CCDC152: variants seen among roughly 807,000 people sequenced by gnomAD.
The protein encoded by CCDC152 is coiled-coil domain containing 152, also known as coiled-coil domain-containing protein 152.
Under a neutral mutation model 38.1 loss-of-function variants are expected in CCDC152, and 37 were observed. That is an observed-to-expected ratio of 0.97 (90% CI 0.75 to 1.28). The LOEUF (loss-of-function observed/expected upper bound fraction) is 1.28. Ranked by LOEUF, CCDC152 falls within the 50% of genes most tolerant of loss-of-function variation. The pLI is 0.00. For synonymous variants in CCDC152, 83 were observed against 87.1 expected (o/e 0.95, Z 0.26); for missense variants, 259 against 292.1 (o/e 0.89, Z 0.83).
At chr5:42,761,794 C>CCA (rs879525969) in intron 2 of CCDC152, among the ~76,000 whole-genome samples, 24 of 152,058 alleles carry the variant, frequency 1.6e-4, no homozygotes, top group Non-Finnish European at 3.4e-4. Context: ...AACCATGGGA[C>CCA]TGAGAGTTGA....
intron 4 of CCDC152, among the ~76,000 whole-genome samples, chr5:42,776,258 A>G (rs1048877493): frequency 6.6e-6 from 1 of 152,212 alleles, no homozygotes; most frequent in African/African-American, 2.4e-5. Context: ...GGAGAAAGAT[A>G]TGCCGTGCTA....
At chr5:42,794,041 ATAGAAT>A (rs1309282562) in intron 6 of CCDC152, among the ~76,000 whole-genome samples, 1 of 152,376 alleles carries the variant, frequency 6.6e-6, no homozygotes, top group East Asian at 1.9e-4. Flanking sequence ...TACACTGGAG[ATAGAAT>A]TAGTAAGCTG....
chr5:42,774,700 C>T (rs1187411649), intron 4 of CCDC152, among the ~76,000 whole-genome samples: 1 of 151,986 alleles, frequency 6.6e-6, no homozygotes, highest in Non-Finnish European at 1.5e-5. Context: ...ACACCTTAGG[C>T]GTTTTTACTG....
chr5:42,788,349 C>T (rs1759950832), intron 6 of CCDC152, among the ~76,000 whole-genome samples: 2 of 151,398 alleles, frequency 1.3e-5, no homozygotes, highest in Admixed American at 1.3e-4. Flanking sequence ...AACAAAAAAC[C>T]CTCAAAGGCA....
rs560753634 is a variant in CCDC152, at chr5:42,800,663, T to C, written c.*882T>C. On this transcript the variant is annotated 3_prime_UTR_variant, in exon 9 of 9. Transcript: ENST00000361970. ...TCACTAATTTGGTAGTTTATAAAAA[T>C]GCTGGAAATGAAATTGTGTCTAGAC... 2.7e-6 allele frequency: 4 copies of C among 1,506,394 alleles called. No homozygotes were observed. The highest frequency in any genetic ancestry group is 2.3e-5 in the Admixed American group (1 of 44,102). 93.3% of individuals were successfully genotyped at this position (1,506,394 alleles called of 1,614,324 possible). A position where few individuals can be genotyped will look rare whatever the true frequency, so the allele number is the denominator to read the frequency against.
chr5:42,760,253 G>A (rs1163477462), intron 2 of CCDC152, among the ~76,000 whole-genome samples: 3 of 142,978 alleles, frequency 2.1e-5, no homozygotes, highest in Non-Finnish European at 3.0e-5. Context: ...GCAGTGAGCC[G>A]AGATCGCGCC....
chr5:42,792,029 TC>T (rs1450994210), intron 6 of CCDC152, among the ~76,000 whole-genome samples: 1 of 152,198 alleles, frequency 6.6e-6, no homozygotes, highest in Non-Finnish European at 1.5e-5. Flanking sequence ...AGCCTCTGCA[TC>T]CTTCACCACA....
intron 4 of CCDC152, among the ~76,000 whole-genome samples, chr5:42,771,164 C>G (rs776293057): frequency 6.6e-6 from 1 of 152,154 alleles, no homozygotes; most frequent in Non-Finnish European, 1.5e-5. Flanking sequence ...GCTAAACACA[C>G]TCCTGAACAA....
At chr5:42,798,746 C>T (rs1760115217) in intron 7 of CCDC152, among the ~76,000 whole-genome samples, 1 of 151,944 alleles carries the variant, frequency 6.6e-6, no homozygotes, top group Admixed American at 6.6e-5. Context: ...TTAACTAAAT[C>T]TGAAGAGAAG....
chr5:42,787,773 C>T (rs1363009660), intron 6 of CCDC152, among the ~76,000 whole-genome samples: 2 of 152,060 alleles, frequency 1.3e-5, no homozygotes, highest in Admixed American at 6.6e-5. Context: ...ATATCAACCC[C>T]TGTTCTTTTT....
rs368516989 is a variant in CCDC152, at chr5:42,795,814, A to T, written c.431-1015A>T. ...GCGTATGTTTATTGCGGCACTATTC[A>T]CAATAGCAAAGACTTGGAACCAACC... On this transcript the variant is annotated intron_variant, in intron 6 of 8. Transcript: ENST00000361970. Among the ~76,000 whole-genome samples, 192 of 152,096 alleles carry T rather than the reference A, an allele frequency of 1.3e-3. 1 individual carries two copies. The East Asian group carries it at 0.021, about 17-fold the overall frequency.
rs1413306534 is a variant in CCDC152 at position 42,802,194 on chromosome 5, AATAT to A, written c.*2414_*2417del. The A allele has an allele frequency of 6.6e-6, 1 of 152,162 alleles. No homozygotes were observed. The highest frequency in any genetic ancestry group is 1.5e-5 in the Non-Finnish European group (1 of 68,030). The allele number at this position is 152,162 out of a possible 1,614,324, so 9.4% of individuals were successfully genotyped here. A position where few individuals can be genotyped will look rare whatever the true frequency, so the allele number is the denominator to read the frequency against. ...TTACTGCCCGACTCCCATTGACCATAATATCCATTCCGCATGATCCTAGTTCTTT... is the reference window on the plus strand; with the variant it reads ...TTACTGCCCGACTCCCATTGACCATACCATTCCGCATGATCCTAGTTCTTT... On this transcript the variant is annotated 3_prime_UTR_variant, in exon 9 of 9. Coordinates refer to ENST00000361970, the MANE Select transcript of CCDC152 (RefSeq NM_001134848.2).
chr5:42,767,563 C>T (rs1196086425), intron 3 of CCDC152, among the ~76,000 whole-genome samples: 3 of 151,906 alleles, frequency 2.0e-5, no homozygotes, highest in Non-Finnish European at 2.9e-5. Flanking sequence ...TAAAGTCCAA[C>T]AACAACAACA....
rs1760204863 is a variant in CCDC152, at chr5:42,801,631, T to A, written c.*1850T>A. ...AATATCAAATCCTAAATTCAGTTGATCTGGGCCGAGCATGGTGGCTCATGC... is the reference window on the plus strand; with the variant it reads ...AATATCAAATCCTAAATTCAGTTGAACTGGGCCGAGCATGGTGGCTCATGC... On this transcript the variant is annotated 3_prime_UTR_variant, in exon 9 of 9. Transcript: ENST00000361970. The A allele has an allele frequency of 2.5e-6, 1 of 404,832 alleles. No homozygotes were observed. Among genetic ancestry groups the A allele is most frequent in the African/African-American group, 2.1e-5 (1 of 48,610 alleles). 25.1% of individuals were successfully genotyped at this position (404,832 alleles called of 1,614,324 possible).
At chr5:42,795,916 A>C (rs546666803) in intron 6 of CCDC152, among the ~76,000 whole-genome samples, 2 of 151,894 alleles carry the variant, frequency 1.3e-5, no homozygotes, top group East Asian at 1.9e-4. Flanking sequence ...AGCCATAAAA[A>C]ATGATGAGTT....
intron 3 of CCDC152, among the ~76,000 whole-genome samples, chr5:42,764,065 G>C (rs1030780929): frequency 6.6e-6 from 1 of 152,120 alleles, no homozygotes; most frequent in Non-Finnish European, 1.5e-5. Flanking sequence ...CTAATATCTT[G>C]CATTAGTATG....
chr5:42,778,490 C>T (rs545947198), intron 4 of CCDC152, among the ~76,000 whole-genome samples: 1 of 152,216 alleles, frequency 6.6e-6, no homozygotes, highest in African/African-American at 2.4e-5. Flanking sequence ...TTAAACCGAC[C>T]TGGATGTTTA....
intron 5 of CCDC152, among the ~76,000 whole-genome samples, chr5:42,780,470 A>T (rs552636896): frequency 6.6e-6 from 1 of 151,708 alleles, no homozygotes; most frequent in South Asian, 2.1e-4. Flanking sequence ...TTGACTCTAG[A>T]TCTCAAAAAT....
intron 6 of CCDC152, among the ~76,000 whole-genome samples, chr5:42,784,949 T>C (rs919002075): frequency 6.6e-6 from 1 of 152,168 alleles, no homozygotes; most frequent in Non-Finnish European, 1.5e-5. Context: ...CTTTATTCTG[T>C]TTTACAGATC....
Sources: gnomAD v4.1 joint callset for allele counts (sites outside exome capture counted in the v4.1 genomes callset) on GRCh38, gnomAD v4.1.1 for gene constraint, MANE v1.5 for transcripts, NCBI Gene and HGNC (gene_info 2026-07-23, HGNC 2026-07-21) for gene names.